Variants in RNF19B observed in about 807,000 individuals in gnomAD.
RNF19B encodes E3 ubiquitin-protein ligase RNF19B.
In RNF19B, 23 loss-of-function variants were observed where a neutral mutation model predicts 65.5. The ratio of observed to expected loss-of-function variants is 0.35; its 90% confidence interval spans 0.25 to 0.50. RNF19B has a LOEUF of 0.50. Among genes scored for constraint, RNF19B ranks in the 20% least tolerant of loss-of-function variants. The probability of loss-of-function intolerance (pLI) is 0.98; values close to 1 mark genes in which losing one functional copy is unlikely to be tolerated. For missense variants in RNF19B, 794 were observed against 980.0 expected, an observed-to-expected ratio of 0.81 and a Z score of 2.53; for synonymous variants, 372 against 379.6, an observed-to-expected ratio of 0.98 and a Z score of 0.23.
At chr1:32,949,063 A>G (rs1642429834) in intron 2 of RNF19B, among the ~76,000 whole-genome samples, 1 of 152,234 alleles carries the variant, frequency 6.6e-6, no homozygotes, top group African/African-American at 2.4e-5. Flanking sequence ...ATTTTAAAAT[A>G]GGTTTCCTCT....
chr1:32,964,143 G>A lies in RNF19B; in HGVS notation c.543C>T (p.Asp181=). ...CCTCGTACTTGTGCATAAGCGGCGGGTCGGCGAGCAGCAAGCGGATGTCGT... is the reference window on the plus strand; with the variant it reads ...CCTCGTACTTGTGCATAAGCGGCGGATCGGCGAGCAGCAAGCGGATGTCGT... ...NPHDIRLLLA[D]PPLMHKYEEF... is the part of the protein sequence containing the mutation. The change falls in exon 1 of 9, where the codon GAC becomes GAT. Residue 181 remains aspartate, a synonymous_variant. Transcript: ENST00000235150. The surrounding 1 kb of genome is among the most constrained non-coding windows in gnomAD (Gnocchi z 6.5). 1 of 1,544,406 alleles carries A rather than the reference G, an allele frequency of 6.5e-7. No homozygotes were observed. Among genetic ancestry groups the A allele is most frequent in the Non-Finnish European group, 8.7e-7 (1 of 1,144,470 alleles).
intron 7 of RNF19B, among the ~76,000 whole-genome samples, chr1:32,941,308 G>A (rs1642225037): frequency 6.6e-6 from 1 of 152,170 alleles, no homozygotes; most frequent in Non-Finnish European, 1.5e-5. Flanking sequence ...ACTTTGGGAG[G>A]CTGAGGCGGG....
At chr1:32,945,698 CA>C in intron 4 of RNF19B, 70 bp from the exon 5 acceptor site, 1 of 843,044 alleles carries the variant, frequency 1.2e-6, no homozygotes, top group Non-Finnish European at 2.0e-6. Context: ...AAAAAAAGGA[CA>C]GGTGAATATT....
intron 1 of RNF19B, among the ~76,000 whole-genome samples, chr1:32,950,031 G>A (rs1306345066): frequency 6.6e-6 from 1 of 152,020 alleles, no homozygotes; most frequent in African/African-American, 2.4e-5. Flanking sequence ...GTGCAGTGGT[G>A]TAATCTCGGC....
intron 8 of RNF19B, among the ~76,000 whole-genome samples, chr1:32,937,711 A>C (rs1211634628): frequency 6.6e-6 from 1 of 152,100 alleles, no homozygotes; most frequent in Non-Finnish European, 1.5e-5. Context: ...CCTGTCTCTA[A>C]AAAAACAAAA....
At chr1:32,937,561 T>C (rs1215531019) in intron 8 of RNF19B, among the ~76,000 whole-genome samples, 1 of 151,830 alleles carries the variant, frequency 6.6e-6, no homozygotes, top group Non-Finnish European at 1.5e-5. Flanking sequence ...TAAAAAAAAT[T>C]AGCTGGGCAT....
chr1:32,937,253 G>A lies in RNF19B; in HGVS notation c.1749C>T (p.Cys583=), dbSNP rs1642129417. The A allele has an allele frequency of 1.2e-6, 2 of 1,613,686 alleles. No individual in the cohort carries two copies. Among genetic ancestry groups the A allele is most frequent in the Non-Finnish European group, 1.7e-6 (2 of 1,179,974 alleles). Residue 583 remains cysteine, a synonymous_variant, in exon 9 of 9, where the codon TGC becomes TGT. Coordinates refer to ENST00000235150, the MANE Select transcript of RNF19B (RefSeq NM_001300826.2). The part of the protein sequence containing the change: ...ISSYNPQDRE[C]NNMEIQVDIE... ...TGTCCACTTGGATTTCCATATTGTT[G>A]CATTCTCTGTGGAGACAAAATCCAC...
intron 8 of RNF19B, 42 bp from the exon 9 acceptor site, chr1:32,937,301 A>G: frequency 6.2e-7 from 1 of 1,611,226 alleles, no homozygotes; most frequent in Non-Finnish European, 8.5e-7. Flanking sequence ...TGCATGGATC[A>G]TGCTAAACCT....
At chr1:32,949,259 A>G (rs1437198376) in intron 2 of RNF19B, among the ~76,000 whole-genome samples, 14 of 152,216 alleles carry the variant, frequency 9.2e-5, no homozygotes. Flanking sequence ...GTTCACAATG[A>G]AAGTTTTGAA....
At chr1:32,944,208 C>A in intron 5 of RNF19B, 49 bp from the exon 6 acceptor site, 1 of 1,560,042 alleles carries the variant, frequency 6.4e-7, no homozygotes, top group Non-Finnish European at 8.7e-7. Flanking sequence ...GTTGCAAGTG[C>A]CCTGAATTCT....
At position 32,949,586 on chromosome 1, in the gene RNF19B, C is replaced by T. The variant is rs1642441379; in HGVS notation, c.824G>A (p.Gly275Glu). The change falls in exon 2 of 9, where the codon GGG becomes GAG. Residue 275 changes from glycine (G) to glutamate (E), a missense_variant. Around this residue, in one of 3 missense-constraint regions of RNF19B, gnomAD observed 374 missense variants for 423.8 expected, o/e 0.88. Coordinates refer to ENST00000235150, the MANE Select transcript of RNF19B (RefSeq NM_001300826.2). Reference sequence around the variant, plus strand: ...ACTTATACCTGGTCCAGATTCTTGCCCATAACTGAGACCTGAAGTGTGTTT... The same window carrying T: ...ACTTATACCTGGTCCAGATTCTTGCTCATAACTGAGACCTGAAGTGTGTTT... ...RTKHTSGLSYGQESGPDDIKP... is the reference protein window; with the variant it reads ...RTKHTSGLSYEQESGPDDIKP... 1.2e-6 allele frequency: 2 copies of T among 1,613,828 alleles called. No homozygotes were observed. Among genetic ancestry groups the T allele is most frequent in the Non-Finnish European group, 1.7e-6 (2 of 1,179,998 alleles).
the RNF19B span, among the ~76,000 whole-genome samples, chr1:32,931,138 C>G: frequency 6.6e-6 from 1 of 152,058 alleles, no homozygotes; most frequent in Admixed American, 6.6e-5. Context: ...GAGTCCAGAA[C>G]CTCTAGTACC....
At chr1:32,938,765 TCC>T (rs1642167155) in intron 7 of RNF19B, among the ~76,000 whole-genome samples, 1 of 152,176 alleles carries the variant, frequency 6.6e-6, no homozygotes, top group Non-Finnish European at 1.5e-5. Flanking sequence ...TTTCATCATC[TCC>T]TGCCTGGATG....
downstream of RNF19B, among the ~76,000 whole-genome samples, chr1:32,933,122 G>C (rs1441129992): frequency 6.6e-6 from 1 of 152,192 alleles, no homozygotes; most frequent in Non-Finnish European, 1.5e-5. Context: ...AAGAGTCTAA[G>C]TTCCATGGGG....
chr1:32,933,838 T>A (rs1642058306), downstream of RNF19B, among the ~76,000 whole-genome samples: 1 of 152,172 alleles, frequency 6.6e-6, no homozygotes, highest in African/African-American at 2.4e-5. Context: ...CATCTCCATT[T>A]TGGCTAAGTG....
chr1:32,938,259 G>C, intron 8 of RNF19B, 138 bp downstream of exon 8: 1 of 843,570 alleles, frequency 1.2e-6, no homozygotes, highest in Non-Finnish European at 1.9e-6. Context: ...CCAAGAACTT[G>C]CTCAAATGAA....
chr1:32,963,359 C>G (rs1011572603), intron 1 of RNF19B, among the ~76,000 whole-genome samples: 1 of 152,130 alleles, frequency 6.6e-6, no homozygotes, highest in African/African-American at 2.4e-5. Flanking sequence ...GACGCGCTGC[C>G]CCCTCAGAAT....
At chr1:32,957,809 G>C (rs185658684) in intron 1 of RNF19B, among the ~76,000 whole-genome samples, 1 of 152,316 alleles carries the variant, frequency 6.6e-6, no homozygotes, top group Admixed American at 6.5e-5. Flanking sequence ...ACTCCAGCCT[G>C]GGCGACAAAG....
In RNF19B at chr1:32,938,389, T is replaced by A; in HGVS notation, c.1742+8A>T. On this transcript the variant is annotated splice_region_variant and intron_variant, in intron 8 of 8. Transcript: ENST00000235150. ...CAACCTCTCCTGGACATCTGACTGT[T>A]CACATACCTGTCCTGTGGGTTGTAG... is the stretch of plus-strand genomic sequence containing the variant. The A allele has an allele frequency of 6.2e-7, 1 of 1,614,140 alleles. No homozygotes were observed. The highest frequency in any genetic ancestry group is 8.5e-7 in the Non-Finnish European group (1 of 1,180,004).
Sources: allele counts gnomAD v4.1 joint callset (sites outside exome capture counted in the v4.1 genomes callset), GRCh38; gene constraint gnomAD v4.1.1; regional missense constraint gnomAD v4.1.1; non-coding constraint Gnocchi (gnomAD v3.1); transcripts MANE v1.5; gene names NCBI Gene and HGNC (gene_info 2026-07-23, HGNC 2026-07-21).